SOCS6: variants seen among roughly 807,000 people sequenced by gnomAD.
The protein encoded by SOCS6 is STAT induced STAT inhibitor-4.
In SOCS6, 5 loss-of-function variants were observed where a neutral mutation model predicts 27.7. That is an observed-to-expected ratio of 0.18 (90% CI 0.09 to 0.38). The LOEUF (loss-of-function observed/expected upper bound fraction) is 0.38. Ranked by LOEUF, SOCS6 falls within the 10% of genes least tolerant of loss-of-function variation. The probability of loss-of-function intolerance (pLI) is 1.00; values close to 1 mark genes in which losing one functional copy is unlikely to be tolerated. For missense variants in SOCS6, 595 were observed against 688.1 expected (o/e 0.86, Z 1.51); for synonymous variants, 271 against 260.0 (o/e 1.04, Z -0.41).
chr18:70,328,740 G>A lies in SOCS6; in HGVS notation c.*2464G>A, dbSNP rs1911304579. ...ATGTTTTGCGATATTTTCTACTTTT[G>A]TGTAGAAAGATAACCATTTGGGGTA... On this transcript the variant is annotated 3_prime_UTR_variant, in exon 2 of 2. Coordinates refer to ENST00000397942, the MANE Select transcript of SOCS6 (RefSeq NM_004232.4). 6.0e-6 allele frequency: 1 copy of A among 166,842 alleles called. No individual in the cohort carries two copies. The highest frequency in any genetic ancestry group is 1.5e-5 in the Non-Finnish European group (1 of 68,098). 10.3% of individuals were successfully genotyped at this position (166,842 alleles called of 1,614,324 possible).
chr18:70,311,148 T>C (rs1300558180), intron 1 of SOCS6, among the ~76,000 whole-genome samples: 3 of 152,202 alleles, frequency 2.0e-5, no homozygotes, highest in Non-Finnish European at 2.9e-5. Flanking sequence ...TATGTTTCTC[T>C]TAGAGCACTT....
At chr18:70,319,529 A>G (rs957316690) in intron 1 of SOCS6, among the ~76,000 whole-genome samples, 4 of 151,388 alleles carry the variant, frequency 2.6e-5, no homozygotes, top group African/African-American at 9.7e-5. Flanking sequence ...CCTTACCATG[A>G]GTCAAGGCAG....
chr18:70,303,571 A>T (rs1276856662), intron 1 of SOCS6, among the ~76,000 whole-genome samples: 7 of 152,186 alleles, frequency 4.6e-5, no homozygotes, highest in Non-Finnish European at 7.3e-5. Context: ...AGTCAGGTGG[A>T]TCATCTGAGG....
intron 1 of SOCS6, among the ~76,000 whole-genome samples, chr18:70,293,771 T>A (rs907416058): frequency 1.3e-5 from 2 of 151,634 alleles, no homozygotes; most frequent in African/African-American, 4.8e-5. Flanking sequence ...ATAATAATGA[T>A]GATGTTTCTC....
chr18:70,320,132 G>T (rs1419486014), intron 1 of SOCS6, among the ~76,000 whole-genome samples: 4 of 152,028 alleles, frequency 2.6e-5, no homozygotes, highest in East Asian at 3.9e-4. Flanking sequence ...GGGATTATAG[G>T]TGTGAGCCAT....
In SOCS6 at chr18:70,325,637, A is replaced by G. The variant is rs1911176602; in HGVS notation, c.969A>G (p.Gln323=). ...LLPPMQNNQI[Q]RNFSGLTGTE... ...CTCCAATGCAGAATAATCAAATCCA[A>G]AGGAACTTCAGTGGACTCACTGGCA... Residue 323 remains glutamine (Q), a synonymous_variant, in exon 2 of 2, where the codon CAA becomes CAG. Transcript: ENST00000397942. The surrounding 1 kb of genome is among the most constrained non-coding windows in gnomAD (Gnocchi z 6.3). 7 of 1,614,144 alleles carry G rather than the reference A, an allele frequency of 4.3e-6. No individual in the cohort carries two copies. In the East Asian group the frequency reaches 1.3e-4, roughly 31 times the overall value.
chr18:70,290,021 G>C (rs2062291910), intron 1 of SOCS6, among the ~76,000 whole-genome samples: 1 of 152,198 alleles, frequency 6.6e-6, no homozygotes, highest in South Asian at 2.1e-4. Flanking sequence ...TTGGAATGAA[G>C]GGCCAGGTGG....
intron 1 of SOCS6, among the ~76,000 whole-genome samples, chr18:70,317,477 TATAC>T (rs1424218475): frequency 1.4e-5 from 2 of 138,476 alleles, no homozygotes; most frequent in South Asian, 2.1e-4. Flanking sequence ...TATACACATA[TATAC>T]ATACATATAT....
At chr18:70,301,099 AAAGGCAGGCTCACC>A (rs1252708194) in intron 1 of SOCS6, among the ~76,000 whole-genome samples, 1 of 152,220 alleles carries the variant, frequency 6.6e-6, no homozygotes, top group Admixed American at 6.5e-5. Context: ...ACACAAGCTC[AAAGGCAGGCTCACC>A]AGTTAGCCAG....
chr18:70,315,765 C>T (rs1042366110), intron 1 of SOCS6, among the ~76,000 whole-genome samples: 14 of 151,984 alleles, frequency 9.2e-5, no homozygotes, highest in Middle Eastern at 3.4e-3. Context: ...TCTTTTAATT[C>T]CTTACCAGGT....
chr18:70,295,740 G>T (rs1166907058), intron 1 of SOCS6, among the ~76,000 whole-genome samples: 2 of 152,170 alleles, frequency 1.3e-5, no homozygotes, highest in African/African-American at 2.4e-5. Flanking sequence ...GCATTTTAGA[G>T]CTAGAAGGAA....
In SOCS6 at chr18:70,325,574, G is replaced by A. The variant is rs772465327; in HGVS notation, c.906G>A (p.Ala302=). ...TTGVMLQSPR[A]GHDDVPPLSP... ...GAGTCATGTTGCAGAGCCCGAGAGC[G>A]GGTCACGATGATGTCCCTCCACTCT... Residue 302 remains alanine (A), a synonymous_variant, in exon 2 of 2, where the codon GCG becomes GCA. Coordinates refer to ENST00000397942, the MANE Select transcript of SOCS6 (RefSeq NM_004232.4). The surrounding 1 kb of genome is among the most constrained non-coding windows in gnomAD (Gnocchi z 6.3). 15 of 1,614,020 alleles carry A rather than the reference G, an allele frequency of 9.3e-6. No homozygotes were observed. Among genetic ancestry groups the A allele is most frequent in the South Asian group, 4.4e-5 (4 of 91,078 alleles).
intron 1 of SOCS6, among the ~76,000 whole-genome samples, chr18:70,309,208 A>G (rs923598514): frequency 6.6e-6 from 1 of 152,226 alleles, no homozygotes; most frequent in Non-Finnish European, 1.5e-5. Flanking sequence ...TGAATTTCAT[A>G]TAATTTCCAT....
At chr18:70,324,262 A>G (rs1407613544) in intron 1 of SOCS6, among the ~76,000 whole-genome samples, 4 of 150,772 alleles carry the variant, frequency 2.7e-5, no homozygotes, top group African/African-American at 1.0e-4. Context: ...AGATCACGCC[A>G]CTGCACTCCA....
chr18:70,301,931 G>A lies in SOCS6; in HGVS notation c.-127+12841G>A, dbSNP rs530644347. The stretch of plus-strand genomic sequence containing the variant: ...ACGCTAGGCAAAGGCTGCTCTGTGC[G>A]ATGATTGGTAGAGAAGGCTTTGGTG... On this transcript the variant is annotated intron_variant, in intron 1 of 1. Transcript: ENST00000397942. 5.5e-4 allele frequency among the ~76,000 whole-genome samples: 84 copies of A among 152,328 alleles called. 1 individual carries two copies. The highest frequency in any genetic ancestry group is 2.0e-3 in the African/African-American group (84 of 41,578).
At chr18:70,313,709 T>G (rs2062399587) in intron 1 of SOCS6, among the ~76,000 whole-genome samples, 1 of 152,206 alleles carries the variant, frequency 6.6e-6, no homozygotes, top group African/African-American at 2.4e-5. Flanking sequence ...ATTTCTTGAC[T>G]TTCTATTCTG....
At chr18:70,305,576 G>T (rs1480029681) in intron 1 of SOCS6, among the ~76,000 whole-genome samples, 1 of 152,084 alleles carries the variant, frequency 6.6e-6, no homozygotes, top group African/African-American at 2.4e-5. Context: ...TAGGAATATT[G>T]TATCAATTAA....
intron 1 of SOCS6, among the ~76,000 whole-genome samples, chr18:70,305,752 T>C (rs879616966): frequency 6.6e-6 from 1 of 152,256 alleles, no homozygotes; most frequent in African/African-American, 2.4e-5. Context: ...TAGTTTTGAC[T>C]GTATGAATCT....
At chr18:70,323,944 C>T (rs941696013) in intron 1 of SOCS6, among the ~76,000 whole-genome samples, 4 of 151,998 alleles carry the variant, frequency 2.6e-5, no homozygotes, top group Admixed American at 1.3e-4. Context: ...CTGGCCCACA[C>T]GTTAGAGTTT....
Sources: gnomAD v4.1 joint callset for allele counts (sites outside exome capture counted in the v4.1 genomes callset) on GRCh38, gnomAD v4.1.1 for gene constraint, Gnocchi (gnomAD v3.1) non-coding constraint, MANE v1.5 for transcripts, NCBI Gene and HGNC (gene_info 2026-07-23, HGNC 2026-07-21) for gene names.